The following FKBP10 variants were observed in gnomAD, a reference collection of about 807,000 sequenced individuals.
FKBP10 encodes the protein peptidyl-prolyl cis-trans isomerase FKBP10.
A neutral mutation model predicts 53.7 loss-of-function variants in FKBP10; 34 were observed. That is an observed-to-expected ratio of 0.63 (90% CI 0.48 to 0.84). FKBP10 has a LOEUF of 0.84. FKBP10 is among the 40% of genes least tolerant of loss of function. FKBP10 has a pLI of 0.00. For missense variants in FKBP10, 748 were observed against 797.8 expected (o/e 0.94, Z 0.75); for synonymous variants, 324 against 335.7 (o/e 0.97, Z 0.38).
chr17:41,818,812 C>T (rs551462036), intron 4 of FKBP10: 3 of 434,306 alleles, frequency 6.9e-6, no homozygotes, highest in African/African-American at 4.3e-5. Context: ...AAAAATTAGC[C>T]GGGCGTGGTG....
intron 1 of FKBP10, among the ~76,000 whole-genome samples, chr17:41,814,415 T>G (rs1555615843): frequency 6.6e-6 from 1 of 152,210 alleles, no homozygotes; most frequent in African/African-American, 2.4e-5. Flanking sequence ...AGGACATGGA[T>G]GAATGAACGT....
chr17:41,819,442 C>T (rs782486047), intron 5 of FKBP10, 43 bp downstream of exon 5: 18 of 1,613,538 alleles, frequency 1.1e-5, no homozygotes, highest in Admixed American at 5.0e-5. Flanking sequence ...CTGGGTGAAA[C>T]GTGGACGAAG....
chr17:41,819,186 G>A (rs782467037), intron 4 of FKBP10, 24 bp from the exon 5 acceptor site: 6 of 1,613,804 alleles, frequency 3.7e-6, no homozygotes, highest in Non-Finnish European at 5.1e-6. Context: ...CAATTTTATG[G>A]TTCAAGCCCT....
At position 41,813,126 on chromosome 17, in the gene FKBP10, T is replaced by A; in HGVS notation, c.92T>A (p.Leu31Gln). 1.2e-6 allele frequency: 2 copies of A among 1,611,476 alleles called. No individual in the cohort carries two copies. Among genetic ancestry groups the A allele is most frequent in the South Asian group, 2.2e-5 (2 of 91,012 alleles). The change falls in exon 1 of 10, where the codon CTG becomes CAG. Residue 31 changes from leucine to glutamine, a missense_variant. Leu to Gln is a moderately radical substitution (Grantham distance 113, BLOSUM62 -2). Transcript: ENST00000321562. Reference sequence around the variant, plus strand: ...GTGGTGCAGGCCGTGGGGAGGGGGCTGGGCCGCGCCAGCCCGGCCGGGGGC... The same window carrying A: ...GTGGTGCAGGCCGTGGGGAGGGGGCAGGGCCGCGCCAGCCCGGCCGGGGGC... ...LLVVQAVGRG[L>Q]GRASPAGGPL...
intron 1 of FKBP10, among the ~76,000 whole-genome samples, chr17:41,816,381 C>G (rs1021842039): frequency 2.6e-5 from 4 of 151,620 alleles, no homozygotes; most frequent in African/African-American, 9.7e-5. Flanking sequence ...CAGGCGCCCG[C>G]CACCACACCT....
chr17:41,819,427 G>A (rs371974380), intron 5 of FKBP10, 28 bp downstream of exon 5: 21 of 1,612,864 alleles, frequency 1.3e-5, no homozygotes, highest in African/African-American at 2.7e-5. Context: ...GTGGGAGGGC[G>A]GGGGCTGGGT....
At position 41,819,323 on chromosome 17, in the gene FKBP10, C is replaced by T. The variant is rs144675137; in HGVS notation, c.841C>T (p.Arg281Cys). 50 of 1,613,962 alleles carry T rather than the reference C, an allele frequency of 3.1e-5. No homozygotes were observed. The highest frequency in any genetic ancestry group is 6.7e-5 in the East Asian group (3 of 44,888). ...GCTGGAGCTCCCCCCCGGCTGTGTCCGCAGAGCCGGGGCCGGGGACTTCAT... is the reference window on the plus strand; with the variant it reads ...GCTGGAGCTCCCCCCCGGCTGTGTCTGCAGAGCCGGGGCCGGGGACTTCAT... ...ETLELPPGCV[R>C]RAGAGDFMRY... Residue 281 changes from arginine (R) to cysteine (C), a missense_variant, in exon 5 of 10, where the codon CGC (arginine) becomes TGC (cysteine). By Grantham distance (180) the Arg-to-Cys change is radical. Coordinates refer to ENST00000321562, the MANE Select transcript of FKBP10 (RefSeq NM_021939.4).
chr17:41,820,509 A>C, intron 7 of FKBP10, 48 bp downstream of exon 7: 1 of 1,597,764 alleles, frequency 6.3e-7, no homozygotes, highest in East Asian at 2.2e-5. Context: ...GGGCACAGGC[A>C]TGGGGAGTCC....
In FKBP10 at chr17:41,820,428, G is replaced by GTTCT. The variant is rs1555616855; in HGVS notation, c.1226_1229dup (p.Leu410PhefsTer13). On this transcript the variant is annotated frameshift_variant, in exon 7 of 10. Coordinates refer to ENST00000321562, the MANE Select transcript of FKBP10 (RefSeq NM_021939.4). LOFTEE classifies it high-confidence loss of function. The stretch of plus-strand genomic sequence containing the variant: ...GACTTTGTTCGATACCATTACAACT[G>GTTCT]TTCTTTGCTGGACGGCACCCAGCTG... 1 of 1,612,982 alleles carries GTTCT rather than the reference G, an allele frequency of 6.2e-7. No homozygotes were observed. Among genetic ancestry groups the GTTCT allele is most frequent in the East Asian group, 2.2e-5 (1 of 44,546 alleles).
Position 41,818,177 on chromosome 17 carries a change from A to G in FKBP10, c.480A>G (p.Thr160=). The change falls in exon 3 of 10, where the codon ACA becomes ACG. Residue 160 remains threonine, a synonymous_variant. Transcript: ENST00000321562. ...AGGAAGACACCGTGCAGGTGAGCAC[A>G]TTGCTGCGCCCGCCCCACTGCCCCC... ...WNKEDTVQVS[T]LLRPPHCPRM... 3 of 1,613,728 alleles carry G rather than the reference A, an allele frequency of 1.9e-6. No individual in the cohort carries two copies. Among genetic ancestry groups the G allele is most frequent in the Non-Finnish European group, 2.5e-6 (3 of 1,179,968 alleles).
Position 41,822,516 on chromosome 17 carries a change from C to A in FKBP10, c.*108C>A. ...CACCCTCCCTCTGCTGGGATGAGGT[C>A]CAGGAGCCAACTAAAACAATGGCAG... is the stretch of plus-strand genomic sequence containing the variant. On this transcript the variant is annotated 3_prime_UTR_variant, in exon 10 of 10. Transcript: ENST00000321562. 3 of 1,295,394 alleles carry A rather than the reference C, an allele frequency of 2.3e-6. No individual in the cohort carries two copies. Among genetic ancestry groups the A allele is most frequent in the Non-Finnish European group, 3.2e-6 (3 of 924,388 alleles). 80.2% of individuals were successfully genotyped at this position (1,295,394 alleles called of 1,614,324 possible). A position where few individuals can be genotyped will look rare whatever the true frequency, so the allele number is the denominator to read the frequency against.
In FKBP10 at chr17:41,818,892, C is replaced by T. The variant is rs1597907144; in HGVS notation, c.728-318C>T. 4 of 400,200 alleles carry T rather than the reference C, an allele frequency of 1.0e-5. No homozygotes were observed. In the East Asian group the frequency reaches 2.2e-4, roughly 22 times the overall value. The allele number at this position is 400,200 out of a possible 1,614,324, so 24.8% of individuals were successfully genotyped here. The stretch of plus-strand genomic sequence containing the variant: ...AATGACGTGAACCCGGGAGGCGGAG[C>T]TTGCAGTGAGCCGAGATCGCGCCAC... On this transcript the variant is annotated intron_variant, in intron 4 of 9. Transcript: ENST00000321562.
At position 41,822,381 on chromosome 17, in the gene FKBP10, C is replaced by T. The variant is rs782606571; in HGVS notation, c.1722C>T (p.Asp574=). The change falls in exon 10 of 10, where the codon GAC becomes GAT. Residue 574 remains aspartate, a synonymous_variant. Transcript: ENST00000321562. ...AGCTCAAGCTGAAGTCAGATGAGGACGAGGAGCGGGTCCACGAGGAGCTCT... is the reference window on the plus strand; with the variant it reads ...AGCTCAAGCTGAAGTCAGATGAGGATGAGGAGCGGGTCCACGAGGAGCTCT... ...VDELKLKSDE[D]EERVHEEL is the part of the protein sequence containing the mutation. The T allele has an allele frequency of 1.6e-5, 26 of 1,610,626 alleles. No individual in the cohort carries two copies. Among genetic ancestry groups the T allele is most frequent in the East Asian group, 8.9e-5 (4 of 44,788 alleles).
At position 41,822,286 on chromosome 17, in the gene FKBP10, C is replaced by G. The variant is rs782573484; in HGVS notation, c.1627C>G (p.Pro543Ala). ...AGGACGCCTCATGCCTGGGCAGGAC[C>G]CTGAGAAAACCATAGGAGACATGTT... Reference protein sequence around the residue: ...GKGRLMPGQDPEKTIGDMFQN... With the variant: ...GKGRLMPGQDAEKTIGDMFQN... Residue 543 changes from proline (P) to alanine (A), a missense_variant, in exon 10 of 10, where the codon CCT becomes GCT. By Grantham distance (27) the Pro-to-Ala change is conservative. Transcript: ENST00000321562. 1 of 1,613,918 alleles carries G rather than the reference C, an allele frequency of 6.2e-7. No individual in the cohort carries two copies. The highest frequency in any genetic ancestry group is 8.5e-7 in the Non-Finnish European group (1 of 1,179,938).
At chr17:41,816,991 CTG>C in intron 1 of FKBP10, 65 bp from the exon 2 acceptor site, 1 of 1,595,694 alleles carries the variant, frequency 6.3e-7, no homozygotes, top group Non-Finnish European at 8.6e-7. Context: ...ACCTGTGCAT[CTG>C]TGCCACCATG....
rs781862355 is a variant in FKBP10, at chr17:41,820,999, G to A, written c.1309G>A (p.Glu437Lys). ...GACTCTCGGGGCCAACAAGGTGATC[G>A]AAGGCCTGGACACGGGCCTGCAGGG... ...EATLGANKVIEGLDTGLQGMC... is the reference protein window; with the variant it reads ...EATLGANKVIKGLDTGLQGMC... The change falls in exon 8 of 10, where the codon GAA (glutamate) becomes AAA (lysine). Residue 437 changes from glutamate to lysine, a missense_variant. Glu to Lys is a moderately conservative substitution (Grantham distance 56). Coordinates refer to ENST00000321562, the MANE Select transcript of FKBP10 (RefSeq NM_021939.4). 4.3e-6 allele frequency: 7 copies of A among 1,610,316 alleles called. No individual in the cohort carries two copies. Among genetic ancestry groups the A allele is most frequent in the South Asian group, 2.2e-5 (2 of 90,276 alleles).
chr17:41,821,870 G>A (rs1030733388), intron 9 of FKBP10, 53 bp downstream of exon 9: 3 of 1,610,400 alleles, frequency 1.9e-6, no homozygotes, highest in Non-Finnish European at 2.5e-6. Flanking sequence ...CCGCACCCAG[G>A]AAGCATCGAG....
rs781885521 is a variant in FKBP10, at chr17:41,817,054, C to G, written c.246-4C>G. On this transcript the variant is annotated splice_region_variant and splice_polypyrimidine_tract_variant and intron_variant, in intron 1 of 9. Coordinates refer to ENST00000321562, the MANE Select transcript of FKBP10 (RefSeq NM_021939.4). ...CTGTATCCCATCTGTCCCTCCCCCC[C>G]CAGCTATGATCGCAACACCTTGGTG... 5 of 1,613,960 alleles carry G rather than the reference C, an allele frequency of 3.1e-6. No individual in the cohort carries two copies. The highest frequency in any genetic ancestry group is 4.2e-6 in the Non-Finnish European group (5 of 1,180,048).
In FKBP10 at chr17:41,820,477, G is replaced by GC; in HGVS notation, c.1256+16_1256+17insC. 6.2e-7 allele frequency: 1 copy of GC among 1,613,134 alleles called. No individual in the cohort carries two copies. The highest frequency in any genetic ancestry group is 1.1e-5 in the South Asian group (1 of 91,058). On this transcript the variant is annotated intron_variant, in intron 7 of 9. Coordinates refer to ENST00000321562, the MANE Select transcript of FKBP10 (RefSeq NM_021939.4). ...TGTTCACCTCGTGGGTCCGGGGGGG[G>GC]GCCGGGACTGGGCAGGTGGGTGGGC...
Sources: allele counts gnomAD v4.1 joint callset (sites outside exome capture counted in the v4.1 genomes callset), GRCh38; gene constraint gnomAD v4.1.1; transcripts MANE v1.5; gene names NCBI Gene and HGNC (gene_info 2026-07-23, HGNC 2026-07-21).